The following LINGO2 variants were observed in gnomAD, a reference collection of about 807,000 sequenced individuals.
The protein encoded by LINGO2 is leucine-rich repeat and immunoglobulin-like domain-containing nogo receptor-interacting protein 2.
LINGO2 carries 14 observed loss-of-function variants against 30.6 expected under a neutral mutation model. That is an observed-to-expected ratio of 0.46 (90% CI 0.30 to 0.72). The LOEUF (loss-of-function observed/expected upper bound fraction) is 0.72, where lower values mean the gene tolerates loss of function less well. Ranked by LOEUF, LINGO2 falls within the 30% of genes least tolerant of loss-of-function variation. LINGO2 has a pLI of 0.07. For missense variants in LINGO2, 729 were observed against 751.7 expected, an observed-to-expected ratio of 0.97 and a Z score of 0.35; for synonymous variants, 317 against 288.5, an observed-to-expected ratio of 1.10 and a Z score of -1.00.
intron 4 of LINGO2, among the ~76,000 whole-genome samples, chr9:28,249,582 T>A (rs1208891747): frequency 6.6e-6 from 1 of 152,090 alleles, no homozygotes; most frequent in African/African-American, 2.4e-5. Context: ...GTTGATTGAG[T>A]AATCAAATTC....
chr9:29,148,415 T>C, the LINGO2 span, among the ~76,000 whole-genome samples: 38 of 152,120 alleles, frequency 2.5e-4, no homozygotes, highest in Admixed American at 2.4e-3. Context: ...CTAAGTAACT[T>C]TTCTAGTTTT....
intron 4 of LINGO2, among the ~76,000 whole-genome samples, chr9:28,057,455 A>G (rs753378665): frequency 1.5e-4 from 23 of 151,372 alleles, no homozygotes; most frequent in Non-Finnish European, 3.4e-4. Flanking sequence ...TTCAAAATTT[A>G]GGCCCATGTT....
chr9:29,055,103 C>T, the LINGO2 span, among the ~76,000 whole-genome samples: 1 of 152,010 alleles, frequency 6.6e-6, no homozygotes, highest in Non-Finnish European at 1.5e-5. Context: ...CCTGTAGTCC[C>T]AGCTACTCAG....
intron 5 of LINGO2, among the ~76,000 whole-genome samples, chr9:27,999,660 T>C (rs1821848477): frequency 6.6e-6 from 1 of 152,170 alleles, no homozygotes; most frequent in Admixed American, 6.5e-5. Flanking sequence ...AGAAGTCTTC[T>C]TTTGAAATAT....
At chr9:28,136,365 A>G (rs143549960) in intron 4 of LINGO2, among the ~76,000 whole-genome samples, 1 of 152,314 alleles carries the variant, frequency 6.6e-6, no homozygotes, top group East Asian at 1.9e-4. Flanking sequence ...ACAGGACACT[A>G]TCCAGGTTCC....
the LINGO2 span, among the ~76,000 whole-genome samples, chr9:29,155,836 G>A: frequency 6.6e-6 from 1 of 151,880 alleles, no homozygotes; most frequent in Non-Finnish European, 1.5e-5. Flanking sequence ...AGCTTACAGT[G>A]CCATCTCAAG....
At chr9:28,229,627 T>G (rs965151769) in intron 4 of LINGO2, among the ~76,000 whole-genome samples, 1 of 151,746 alleles carries the variant, frequency 6.6e-6, no homozygotes, top group Admixed American at 6.6e-5. Context: ...ATGTGCGAAC[T>G]GAATAATTTA....
At chr9:28,685,017 G>C in the LINGO2 span, among the ~76,000 whole-genome samples, 2 of 151,962 alleles carry the variant, frequency 1.3e-5, no homozygotes, top group African/African-American at 2.4e-5. Context: ...AGTGTCTGTC[G>C]TTCCCCTCTT....
the LINGO2 span, among the ~76,000 whole-genome samples, chr9:29,127,557 G>A: frequency 5.9e-5 from 9 of 152,142 alleles, no homozygotes; most frequent in South Asian, 2.1e-4. Context: ...AAACTGAAAG[G>A]TTTTCATGTG....
At chr9:29,212,070 G>A in the LINGO2 span, among the ~76,000 whole-genome samples, 5 of 152,162 alleles carry the variant, frequency 3.3e-5, no homozygotes, top group African/African-American at 1.2e-4. Context: ...AAGGAGAGTG[G>A]AGGAGAAAGA....
the LINGO2 span, among the ~76,000 whole-genome samples, chr9:28,724,307 G>T: frequency 1.3e-5 from 2 of 152,082 alleles, no homozygotes; most frequent in Non-Finnish European, 2.9e-5. Context: ...CTGCTTTTGC[G>T]GATAAGGAAG....
chr9:29,064,813 T>C, the LINGO2 span, among the ~76,000 whole-genome samples: 1 of 152,104 alleles, frequency 6.6e-6, no homozygotes, highest in Non-Finnish European at 1.5e-5. Context: ...GACTGACTTA[T>C]AAATCTATGT....
the LINGO2 span, among the ~76,000 whole-genome samples, chr9:28,733,322 C>A: frequency 6.6e-6 from 1 of 151,950 alleles, no homozygotes; most frequent in Non-Finnish European, 1.5e-5. Flanking sequence ...GAGATACAAG[C>A]CATATTTGGG....
At chr9:28,715,630 G>A in the LINGO2 span, among the ~76,000 whole-genome samples, 2 of 152,052 alleles carry the variant, frequency 1.3e-5, no homozygotes, top group Non-Finnish European at 1.5e-5. Context: ...GAAGGTCATC[G>A]TTCTGGTTTC....
intron 1 of LINGO2, among the ~76,000 whole-genome samples, chr9:28,527,347 A>C (rs1821075144): frequency 6.6e-6 from 1 of 152,202 alleles, no homozygotes; most frequent in African/African-American, 2.4e-5. Flanking sequence ...GTAAAAACGT[A>C]TTCATTATCC....
At chr9:28,918,661 T>C in the LINGO2 span, among the ~76,000 whole-genome samples, 2 of 152,178 alleles carry the variant, frequency 1.3e-5, no homozygotes, top group Non-Finnish European at 2.9e-5. Context: ...AATGGAAACA[T>C]CAGTGTCAAT....
the LINGO2 span, among the ~76,000 whole-genome samples, chr9:28,783,329 A>G: frequency 1.3e-5 from 2 of 152,170 alleles, no homozygotes; most frequent in African/African-American, 4.8e-5. Flanking sequence ...TCTTCATATA[A>G]TCTCTAGATT....
chr9:28,806,793 C>T, the LINGO2 span, among the ~76,000 whole-genome samples: 1 of 151,956 alleles, frequency 6.6e-6, no homozygotes, highest in African/African-American at 2.4e-5. Context: ...AGCAGCAGGA[C>T]CCAGTATTTC....
chr9:28,901,848 A>G, the LINGO2 span, among the ~76,000 whole-genome samples: 1 of 152,086 alleles, frequency 6.6e-6, no homozygotes, highest in African/African-American at 2.4e-5. Context: ...GTAAATATTT[A>G]CCTATCAGTA....
Sources: allele counts gnomAD v4.1 joint callset (sites outside exome capture counted in the v4.1 genomes callset), GRCh38; gene constraint gnomAD v4.1.1; transcripts MANE v1.5; gene names NCBI Gene and HGNC (gene_info 2026-07-23, HGNC 2026-07-21).